CARM1: variants seen among roughly 807,000 people sequenced by gnomAD.
CARM1 encodes histone-arginine methyltransferase CARM1.
In CARM1, 14 loss-of-function variants were observed where a neutral mutation model predicts 72.7. The ratio of observed to expected loss-of-function variants is 0.19; its 90% CI spans 0.13 to 0.30. The LOEUF (loss-of-function observed/expected upper bound fraction) is 0.30. Ranked by LOEUF, CARM1 falls within the 10% of genes least tolerant of loss-of-function variation. The pLI is 1.00. For synonymous variants in CARM1, 333 were observed against 345.5 expected (o/e 0.96, Z 0.40); for missense variants, 432 against 833.7 (o/e 0.52, Z 5.93).
At chr19:10,878,658 C>T (rs2073880267) in intron 1 of CARM1, among the ~76,000 whole-genome samples, 1 of 152,192 alleles carries the variant, frequency 6.6e-6, no homozygotes, top group Non-Finnish European at 1.5e-5. Flanking sequence ...TGACATTTAT[C>T]TGTTCATCAC....
chr19:10,885,483 G>C (rs1044772119), intron 1 of CARM1, among the ~76,000 whole-genome samples: 1 of 152,214 alleles, frequency 6.6e-6, no homozygotes, highest in Non-Finnish European at 1.5e-5. Context: ...CTGCCCAGCG[G>C]TGTGGGCATG....
intron 1 of CARM1, among the ~76,000 whole-genome samples, chr19:10,887,577 C>G (rs919917859): frequency 1.3e-5 from 2 of 152,164 alleles, no homozygotes; most frequent in African/African-American, 4.8e-5. Context: ...GGCTGATGGT[C>G]AAAACCTTTC....
At chr19:10,901,712 C>T (rs112857262) in intron 1 of CARM1, among the ~76,000 whole-genome samples, 11 of 152,260 alleles carry the variant, frequency 7.2e-5, no homozygotes, top group African/African-American at 2.4e-4. Flanking sequence ...GATGCCGAGG[C>T]GGACAGATCA....
intron 6 of CARM1, among the ~76,000 whole-genome samples, chr19:10,914,462 C>T (rs1002376925): frequency 1.3e-5 from 2 of 152,148 alleles, no homozygotes; most frequent in Admixed American, 1.3e-4. Context: ...GGTGTGGGTG[C>T]GAGTGTACGT....
At chr19:10,909,609 C>T (rs1028413273) in intron 4 of CARM1, among the ~76,000 whole-genome samples, 1 of 151,612 alleles carries the variant, frequency 6.6e-6, no homozygotes, top group Admixed American at 6.6e-5. Context: ...TGGTGGTGGG[C>T]GCCTGTAGTC....
At position 10,921,936 on chromosome 19, in the gene CARM1, C is replaced by T; in HGVS notation, c.*179C>T. 1 of 591,770 alleles carries T rather than the reference C, an allele frequency of 1.7e-6. No homozygotes were observed. Among genetic ancestry groups the T allele is most frequent in the Non-Finnish European group, 2.9e-6 (1 of 345,816 alleles). 36.7% of individuals were successfully genotyped at this position (591,770 alleles called of 1,614,324 possible). A position where few individuals can be genotyped will look rare whatever the true frequency, so the allele number is the denominator to read the frequency against. Reference sequence around the variant, plus strand: ...TTGCCGCCGTCCCCACCCTAACCCCCACCTCCCGGCCCTGAGCGTGTGTCG... The same window carrying T: ...TTGCCGCCGTCCCCACCCTAACCCCTACCTCCCGGCCCTGAGCGTGTGTCG... On this transcript the variant is annotated 3_prime_UTR_variant, in exon 16 of 16. Transcript: ENST00000327064.
At chr19:10,895,453 A>G (rs1429982216) in intron 1 of CARM1, among the ~76,000 whole-genome samples, 1 of 152,226 alleles carries the variant, frequency 6.6e-6, no homozygotes, top group African/African-American at 2.4e-5. Context: ...ACCCAGGTCT[A>G]ACGAGCCTCA....
rs116146980 is a variant in CARM1, at chr19:10,888,294, C to T, written c.220+16372C>T. Among the ~76,000 whole-genome samples the T allele has an allele frequency of 9.4e-3, 1,432 of 152,258 alleles. 25 individuals are homozygous for T. The highest frequency in any genetic ancestry group is 0.033 in the African/African-American group (1,371 of 41,542). ...CAGGTAGAACCTGGGGTCCCCTGAG[C>T]GTGGCCCCCAGTACCTCCCAGCTGG... On this transcript the variant is annotated intron_variant, in intron 1 of 15. Transcript: ENST00000327064.
chr19:10,916,629 G>A lies in CARM1; in HGVS notation c.939-67G>A. 1.4e-6 allele frequency: 2 copies of A among 1,450,720 alleles called. No homozygotes were observed. Among genetic ancestry groups the A allele is most frequent in the Non-Finnish European group, 9.5e-7 (1 of 1,055,520 alleles). The allele number at this position is 1,450,720 out of a possible 1,614,324, so 89.9% of individuals were successfully genotyped here. The stretch of plus-strand genomic sequence containing the variant: ...TAGATGAGGGCTGACTGGGAGAGAA[G>A]GCAGGGCTACCCCACCTGCCTCTTC... On this transcript the variant is annotated intron_variant, in intron 7 of 15. Coordinates refer to ENST00000327064, the MANE Select transcript of CARM1 (RefSeq NM_199141.2). The surrounding 1 kb of genome is among the most constrained non-coding windows in gnomAD (Gnocchi z 4.4).
chr19:10,872,421 G>A (rs1160975162), intron 1 of CARM1, among the ~76,000 whole-genome samples: 1 of 152,138 alleles, frequency 6.6e-6, no homozygotes, highest in African/African-American at 2.4e-5. Context: ...CTGGTCTGGG[G>A]CGCCCGCGAG....
At chr19:10,880,421 T>G (rs1369232210) in intron 1 of CARM1, among the ~76,000 whole-genome samples, 2 of 151,998 alleles carry the variant, frequency 1.3e-5, no homozygotes, top group Middle Eastern at 3.4e-3. Context: ...TCATAGCTCA[T>G]TGCAGCCTTG....
At chr19:10,902,845 A>G (rs1035996012) in intron 1 of CARM1, among the ~76,000 whole-genome samples, 3 of 152,080 alleles carry the variant, frequency 2.0e-5, no homozygotes, top group Admixed American at 2.0e-4. Context: ...CCTGGGTTCT[A>G]GTAATCTGCC....
chr19:10,871,845 A>G lies in CARM1; in HGVS notation c.143A>G (p.Gln48Arg). The G allele has an allele frequency of 7.7e-7, 1 of 1,297,084 alleles. No individual in the cohort carries two copies. The highest frequency in any genetic ancestry group is 9.8e-7 in the Non-Finnish European group (1 of 1,016,426). The allele number at this position is 1,297,084 out of a possible 1,614,324, so 80.3% of individuals were successfully genotyped here. ...ATCGGCGACGCGAACGGCGAGATCC[A>G]GCGGCACGCGGAGCAGCAGGCGCTG... is the stretch of plus-strand genomic sequence containing the variant. ...LTIGDANGEI[Q>R]RHAEQQALRL... The change falls in exon 1 of 16, where the codon CAG (glutamine) becomes CGG (arginine). Residue 48 changes from glutamine (Q) to arginine (R), a missense_variant. Gln to Arg is a conservative substitution (Grantham distance 43, BLOSUM62 1). This residue lies in a region of CARM1 where 138 missense variants were observed against 192.3 expected (regional missense o/e 0.72). Transcript: ENST00000327064. The surrounding 1 kb of genome is among the most constrained non-coding windows in gnomAD (Gnocchi z 5.6).
intron 1 of CARM1, among the ~76,000 whole-genome samples, chr19:10,902,608 CTT>C (rs35583098): frequency 9.3e-4 from 127 of 136,424 alleles, no homozygotes; most frequent in Middle Eastern, 4.0e-3. Context: ...TGTGCCCAGA[CTT>C]TTTTTTTTTT....
rs1029483892 is a variant in CARM1, at chr19:10,871,752, C to T, written c.50C>T (p.Ser17Leu). The change falls in exon 1 of 16, where the codon TCG becomes TTG. Residue 17 changes from serine to leucine, a missense_variant. Physicochemically the swap from Ser to Leu is moderately radical, Grantham distance 145 (BLOSUM62 -2). Around this residue, in one of 3 missense-constraint regions of CARM1, gnomAD observed 138 missense variants for 192.3 expected, o/e 0.72. Coordinates refer to ENST00000327064, the MANE Select transcript of CARM1 (RefSeq NM_199141.2). This position sits in a 1 kb window ranked among gnomAD's most constrained non-coding sequence, Gnocchi z 5.6. ...AVGPGAGGAGSAVPGGAGPCA... is the reference protein window; with the variant it reads ...AVGPGAGGAGLAVPGGAGPCA... ...GGGCCGGGCGCGGGCGGCGCGGGGT[C>T]GGCGGTCCCGGGCGGCGCGGGGCCC... 1.8e-5 allele frequency: 19 copies of T among 1,083,502 alleles called. No individual in the cohort carries two copies. Among genetic ancestry groups the T allele is most frequent in the Middle Eastern group, 4.0e-4 (1 of 2,498 alleles). 67.1% of individuals were successfully genotyped at this position (1,083,502 alleles called of 1,614,324 possible). A position where few individuals can be genotyped will look rare whatever the true frequency, so the allele number is the denominator to read the frequency against.
At position 10,904,934 on chromosome 19, in the gene CARM1, C is replaced by G. The variant is rs373415506; in HGVS notation, c.221-17C>G. On this transcript the variant is annotated splice_polypyrimidine_tract_variant and intron_variant, in intron 1 of 15. Transcript: ENST00000327064. Reference sequence around the variant, plus strand: ...GACAGGGCTGCACCGCTCACGCCAGCCTGTCTTCTCTCGTAGATGAAGATG... The same window carrying G: ...GACAGGGCTGCACCGCTCACGCCAGGCTGTCTTCTCTCGTAGATGAAGATG... 13 of 1,613,602 alleles carry G rather than the reference C, an allele frequency of 8.1e-6. No homozygotes were observed. In the African/African-American group the frequency reaches 1.5e-4, roughly 18 times the overall value.
chr19:10,921,619 C>T lies in CARM1; in HGVS notation c.1689C>T (p.Ser563=). 2 of 1,610,804 alleles carry T rather than the reference C, an allele frequency of 1.2e-6. No homozygotes were observed. Among genetic ancestry groups the T allele is most frequent in the East Asian group, 2.2e-5 (1 of 44,806 alleles). ...CTGCCATTGCCTGCTCCACAGGGTCCTCCGGCGCCCAGGGCAGTGGTGGTG... is the reference window on the plus strand; with the variant it reads ...CTGCCATTGCCTGCTCCACAGGGTCTTCCGGCGCCCAGGGCAGTGGTGGTG... ...SIMSTGIVQG[S]SGAQGSGGGS... Residue 563 remains serine (S), a synonymous_variant, in exon 16 of 16, where the codon TCC becomes TCT. Coordinates refer to ENST00000327064, the MANE Select transcript of CARM1 (RefSeq NM_199141.2).
intron 8 of CARM1, among the ~76,000 whole-genome samples, chr19:10,917,959 G>A (rs1202262766): frequency 6.6e-6 from 1 of 152,098 alleles, no homozygotes; most frequent in Non-Finnish European, 1.5e-5. Flanking sequence ...TGATCCGCCT[G>A]CCTCGGCCTC....
rs1206653567 is a variant in CARM1, at chr19:10,894,750, T to C, written c.221-10201T>C. On this transcript the variant is annotated intron_variant, in intron 1 of 15. Coordinates refer to ENST00000327064, the MANE Select transcript of CARM1 (RefSeq NM_199141.2). ...TTTTTTCTCTCTCTCTCTTTTTTTT[T>C]TTCTTCTTGAAATGGGGTCTCACTC... 4.0e-5 allele frequency among the ~76,000 whole-genome samples: 6 copies of C among 151,558 alleles called. No individual in the cohort carries two copies. The Middle Eastern group carries it at 0.017, about 436-fold the overall frequency.
Sources: allele counts gnomAD v4.1 joint callset (sites outside exome capture counted in the v4.1 genomes callset), GRCh38; gene constraint gnomAD v4.1.1; regional missense constraint gnomAD v4.1.1; non-coding constraint Gnocchi (gnomAD v3.1); transcripts MANE v1.5; gene names NCBI Gene and HGNC (gene_info 2026-07-23, HGNC 2026-07-21).